Variants in PSME4 observed in about 807,000 individuals in gnomAD.
PSME4 encodes proteasome activator complex subunit 4.
Under a neutral mutation model 253.9 loss-of-function variants are expected in PSME4, and 89 were observed. The observed-to-expected ratio is 0.35, with a 90% CI of 0.30 to 0.42. The LOEUF is 0.42. Among genes scored for constraint, PSME4 ranks in the 10% least tolerant of loss-of-function variants. The pLI is 1.00. For missense variants in PSME4, 2,014 were observed against 2,195.2 expected, an observed-to-expected ratio of 0.92 and a Z score of 1.65; for synonymous variants, 851 against 759.2, an observed-to-expected ratio of 1.12 and a Z score of -1.99.
Position 53,934,676 on chromosome 2 carries a change from C to A in PSME4, c.886G>T (p.Val296Leu). The A allele has an allele frequency of 6.2e-7, 1 of 1,608,138 alleles. No individual in the cohort carries two copies. ...SLNLPVGSSQ[V>L]LVPRFLTNAY... is the part of the protein sequence containing the mutation. ...TTTGTTAAAAATCTTGGGACTAACA[C>A]TTGACTGCTTCCCACTGGGAGGTTC... The change falls in exon 8 of 47, where the codon GTG becomes TTG. Residue 296 changes from valine (V) to leucine (L), a missense_variant. Coordinates refer to ENST00000404125, the MANE Select transcript of PSME4 (RefSeq NM_014614.3).
At chr2:53,933,892 A>G (rs1668978913) in intron 8 of PSME4, among the ~76,000 whole-genome samples, 1 of 152,338 alleles carries the variant, frequency 6.6e-6, no homozygotes, top group East Asian at 1.9e-4. Flanking sequence ...TCTGTGTAAC[A>G]ATAAAATGGC....
intron 1 of PSME4, among the ~76,000 whole-genome samples, chr2:53,962,491 C>T (rs570835305): frequency 6.6e-6 from 1 of 151,522 alleles, no homozygotes; most frequent in Non-Finnish European, 1.5e-5. Flanking sequence ...GCAGAAAGAA[C>T]ACTTGGGAAA....
At chr2:53,893,007 C>G in intron 35 of PSME4, 47 bp from the exon 36 acceptor site, 1 of 1,531,548 alleles carries the variant, frequency 6.5e-7, no homozygotes, top group Non-Finnish European at 8.9e-7. Context: ...ACTATCATCT[C>G]GATTATAATT....
chr2:53,931,853 A>G lies in PSME4; in HGVS notation c.1298T>C (p.Ile433Thr), dbSNP rs781502031. Residue 433 changes from isoleucine (I) to threonine (T), a missense_variant, in exon 10 of 47, where the codon ATA becomes ACA. This residue lies in a region of PSME4 where 615 missense variants were observed against 594.4 expected (regional missense o/e 1.03). Transcript: ENST00000404125. ...CACTTACCTTTCAAGTACAGGGGGTATTACCAATTCAGGTCTCATGAGTGC... is the reference window on the plus strand; with the variant it reads ...CACTTACCTTTCAAGTACAGGGGGTGTTACCAATTCAGGTCTCATGAGTGC... ...NLALMRPELV[I>T]PPVLERTYPA... 6.2e-7 allele frequency: 1 copy of G among 1,614,224 alleles called. No homozygotes were observed. Among genetic ancestry groups the G allele is most frequent in the Non-Finnish European group, 8.5e-7 (1 of 1,180,036 alleles).
chr2:53,875,435 T>C (rs1460643102), intron 42 of PSME4, among the ~76,000 whole-genome samples, 192 bp downstream of exon 42: 1 of 152,198 alleles, frequency 6.6e-6, no homozygotes, highest in East Asian at 1.9e-4. Flanking sequence ...TTGCCCAAAG[T>C]CACAGAAGGC....
chr2:53,903,072 T>A (rs561726638), intron 27 of PSME4, among the ~76,000 whole-genome samples: 1 of 152,196 alleles, frequency 6.6e-6, no homozygotes, highest in Admixed American at 6.5e-5. Flanking sequence ...ATTTGGCTTC[T>A]AAAGGAGTTT....
chr2:53,924,069 C>G (rs1168778669), intron 14 of PSME4, among the ~76,000 whole-genome samples: 2 of 151,970 alleles, frequency 1.3e-5, no homozygotes, highest in Non-Finnish European at 2.9e-5. Flanking sequence ...TTTGGAATAC[C>G]TAATACAATT....
At chr2:53,897,845 A>G (rs112113132) in intron 31 of PSME4, 25 bp downstream of exon 31, 1 of 1,608,870 alleles carries the variant, frequency 6.2e-7, no homozygotes, top group Non-Finnish European at 8.5e-7. Context: ...CAAACCCAAG[A>G]CTGTAGCTAA....
At chr2:53,918,256 T>C (rs1668145438) in intron 20 of PSME4, among the ~76,000 whole-genome samples, 1 of 152,192 alleles carries the variant, frequency 6.6e-6, no homozygotes, top group Non-Finnish European at 1.5e-5. Flanking sequence ...TAACAAGATA[T>C]TGATGTTGAA....
intron 8 of PSME4, chr2:53,933,145 A>G (rs10432674): frequency 0.19 from 33,261 of 171,346 alleles, 3,864 homozygotes; most frequent in African/African-American, 0.32. Context: ...TGTAAGGCTG[A>G]GGCGGGCAGG....
In PSME4 at chr2:53,940,986, T is replaced by TACATATTTAA. The variant is rs1558414129; in HGVS notation, c.501-987_501-986insTTAAATATGT. 3.2e-4 allele frequency among the ~76,000 whole-genome samples: 24 copies of TACATATTTAA among 75,920 alleles called. No individual in the cohort carries two copies. The East Asian group carries it at 7.6e-3, about 24-fold the overall frequency. 49.8% of individuals were successfully genotyped at this position (75,920 alleles called of 152,430 possible). A position where few individuals can be genotyped will look rare whatever the true frequency, so the allele number is the denominator to read the frequency against. On this transcript the variant is annotated intron_variant, in intron 3 of 46. Transcript: ENST00000404125. ...ATATATATATATATATATATATATA[T>TACATATTTAA]ATATATATATATATGAAAGGAGTAA...
intron 1 of PSME4, among the ~76,000 whole-genome samples, chr2:53,952,524 CAG>C (rs1670047259): frequency 6.6e-6 from 1 of 152,132 alleles, no homozygotes; most frequent in African/African-American, 2.4e-5. Context: ...GCCTGGGCAA[CAG>C]AGAGAGACTC....
Position 53,910,119 on chromosome 2 carries a change from A to G in PSME4, c.2528T>C (p.Met843Thr), listed in dbSNP as rs1263645693. ...CAACTTTGTCTCTTCCAAGGACACC[A>G]TACTTGGTACTCTGTATAAAAACAA... ...GEPVTNLVPS[M>T]VSLEETKLYT... Residue 843 changes from methionine to threonine, a missense_variant, in exon 21 of 47, where the codon ATG (methionine) becomes ACG (threonine). Transcript: ENST00000404125. 1 of 1,606,266 alleles carries G rather than the reference A, an allele frequency of 6.2e-7. No homozygotes were observed. The highest frequency in any genetic ancestry group is 1.3e-5 in the African/African-American group (1 of 74,788).
At chr2:53,945,422 T>C (rs1191322322) in intron 3 of PSME4, among the ~76,000 whole-genome samples, 3 of 152,014 alleles carry the variant, frequency 2.0e-5, no homozygotes, top group South Asian at 2.1e-4. Flanking sequence ...CAGTAGAAAG[T>C]AGACTGAGAT....
intron 1 of PSME4, among the ~76,000 whole-genome samples, chr2:53,950,217 G>C (rs557578302): frequency 6.6e-6 from 1 of 152,006 alleles, no homozygotes; most frequent in Non-Finnish European, 1.5e-5. Flanking sequence ...GAAGTCAAGG[G>C]GGCAGTGAGC....
At chr2:53,935,224 A>C (rs1043336739) in intron 7 of PSME4, among the ~76,000 whole-genome samples, 44 of 152,202 alleles carry the variant, frequency 2.9e-4, no homozygotes, top group Non-Finnish European at 4.6e-4. Flanking sequence ...TTAGTCAATC[A>C]CTTAACAATT....
Position 53,921,114 on chromosome 2 carries a change from G to C in PSME4, c.2047-10C>G, listed in dbSNP as rs201040744. On this transcript the variant is annotated splice_polypyrimidine_tract_variant and intron_variant, in intron 17 of 46. Transcript: ENST00000404125. ...CATCCACTCGAGTAATCTAAAAGGA[G>C]GGAAAAAATAGTTGAAGATATTTTG... 1.9e-6 allele frequency: 3 copies of C among 1,609,648 alleles called. No individual in the cohort carries two copies. The Admixed American group carries it at 5.1e-5, about 27-fold the overall frequency.
At position 53,865,227 on chromosome 2, in the gene PSME4, T is replaced by G. The variant is rs1219313580; in HGVS notation, c.*351A>C. The G allele has an allele frequency of 6.6e-6, 1 of 152,610 alleles. No homozygotes were observed. Among genetic ancestry groups the G allele is most frequent in the Non-Finnish European group, 1.5e-5 (1 of 68,036 alleles). 9.5% of individuals were successfully genotyped at this position (152,610 alleles called of 1,614,324 possible). On this transcript the variant is annotated 3_prime_UTR_variant, in exon 47 of 47. Coordinates refer to ENST00000404125, the MANE Select transcript of PSME4 (RefSeq NM_014614.3). ...GAAATGACAGGACCTGTATTACAGA[T>G]GGGTATTCTCCATTCCAAGTAAACT...
At position 53,921,005 on chromosome 2, in the gene PSME4, G is replaced by A. The variant is rs747181169; in HGVS notation, c.2146C>T (p.Leu716=). ...AGATGATGCAAAAGGTTACAAGACA[G>A]AGTGTAACCCTGCTTACAGGTTAAA... ...LHLTCKQGYT[L]SCNLLHHLLR... is the part of the protein sequence containing the mutation. Residue 716 remains leucine (L), a synonymous_variant, in exon 18 of 47, where the codon CTG becomes TTG. Transcript: ENST00000404125. The A allele has an allele frequency of 6.2e-6, 10 of 1,613,624 alleles. No individual in the cohort carries two copies. The highest frequency in any genetic ancestry group is 1.3e-5 in the African/African-American group (1 of 74,918).
Sources: allele counts gnomAD v4.1 joint callset (sites outside exome capture counted in the v4.1 genomes callset), GRCh38; gene constraint gnomAD v4.1.1; regional missense constraint gnomAD v4.1.1; transcripts MANE v1.5; gene names NCBI Gene and HGNC (gene_info 2026-07-23, HGNC 2026-07-21).